HMCN1: variants seen among roughly 807,000 people sequenced by gnomAD.
HMCN1 encodes the protein hemicentin 1.
HMCN1 carries 321 observed loss-of-function variants against 625.9 expected under a neutral mutation model. The observed-to-expected ratio is 0.51, with a 90% CI of 0.47 to 0.56. HMCN1 has a LOEUF of 0.56. Ranked by LOEUF, HMCN1 falls within the 20% of genes least tolerant of loss-of-function variation. The pLI is 0.00. For synonymous variants in HMCN1, 2,425 were observed against 2,417.6 expected, an observed-to-expected ratio of 1.00 and a Z score of -0.09; for missense variants, 6,588 against 6,887.3, an observed-to-expected ratio of 0.96 and a Z score of 1.54.
intron 11 of HMCN1, among the ~76,000 whole-genome samples, chr1:185,943,772 G>T (rs942856446): frequency 1.3e-5 from 2 of 152,146 alleles, no homozygotes; most frequent in Non-Finnish European, 2.9e-5. Context: ...TCTACCCAGA[G>T]GTGAGGGGAT....
At chr1:185,952,537 C>T (rs950562818) in intron 11 of HMCN1, among the ~76,000 whole-genome samples, 32 of 151,806 alleles carry the variant, frequency 2.1e-4, no homozygotes, top group African/African-American at 7.5e-4. Context: ...GGACGTCAGG[C>T]ACCTCAGACC....
intron 41 of HMCN1, among the ~76,000 whole-genome samples, chr1:186,047,679 A>G (rs1163682790): frequency 1.3e-5 from 2 of 152,078 alleles, no homozygotes; most frequent in Non-Finnish European, 2.9e-5. Context: ...AGAACTTGGA[A>G]CCCTAGATCT....
At chr1:185,824,122 G>C (rs1053839677) in intron 1 of HMCN1, among the ~76,000 whole-genome samples, 3 of 152,076 alleles carry the variant, frequency 2.0e-5, no homozygotes, top group African/African-American at 7.2e-5. Context: ...CTGAGTACTT[G>C]GCTTTATGCT....
intron 30 of HMCN1, among the ~76,000 whole-genome samples, chr1:186,009,237 ATGGGACT>A (rs1653833673): frequency 6.6e-6 from 1 of 152,132 alleles, no homozygotes; most frequent in Non-Finnish European, 1.5e-5. Flanking sequence ...TCTTATTTCC[ATGGGACT>A]TGGGTTCTTT....
intron 93 of HMCN1, among the ~76,000 whole-genome samples, chr1:186,148,043 G>C (rs1361172474): frequency 1.3e-5 from 2 of 152,148 alleles, no homozygotes. Context: ...TCAAAGTTTG[G>C]GTCAATCCTC....
chr1:186,148,268 C>A (rs889821701), intron 93 of HMCN1, among the ~76,000 whole-genome samples: 1 of 152,110 alleles, frequency 6.6e-6, no homozygotes, highest in Admixed American at 6.6e-5. Flanking sequence ...ACTTCTAATT[C>A]TCTTGCTCTT....
At chr1:185,991,904 A>G (rs1652458182) in intron 22 of HMCN1, among the ~76,000 whole-genome samples, 1 of 152,204 alleles carries the variant, frequency 6.6e-6, no homozygotes, top group African/African-American at 2.4e-5. Context: ...CCAACAGAAT[A>G]TAAGTGTACC....
At chr1:186,116,914 C>A in intron 75 of HMCN1, 80 bp from the exon 76 acceptor site, 1 of 1,498,914 alleles carries the variant, frequency 6.7e-7, no homozygotes, top group Non-Finnish European at 9.2e-7. Context: ...CAATTTACAA[C>A]ATGGTACCAT....
rs551053823 is a variant in HMCN1 at position 186,068,980 on chromosome 1, A to C, written c.7880-683A>C. ...CAGAACTTGGATGAGACTTTAATGA[A>C]CATTCTAGAATTTAGTTGATTGGCA... On this transcript the variant is annotated intron_variant, in intron 50 of 106. Coordinates refer to ENST00000271588, the MANE Select transcript of HMCN1 (RefSeq NM_031935.3). 9.2e-5 allele frequency among the ~76,000 whole-genome samples: 14 copies of C among 152,278 alleles called. No individual in the cohort carries two copies. In the East Asian group the frequency reaches 2.3e-3, roughly 25 times the overall value.
intron 52 of HMCN1, among the ~76,000 whole-genome samples, chr1:186,073,737 G>C (rs1168812908): frequency 6.6e-6 from 1 of 151,832 alleles, no homozygotes; most frequent in African/African-American, 2.4e-5. Context: ...GGAGGAGACT[G>C]AGTGGCAGTG....
At chr1:186,060,576 AT>A (rs1035656227) in intron 46 of HMCN1, among the ~76,000 whole-genome samples, 5 of 152,084 alleles carry the variant, frequency 3.3e-5, no homozygotes, top group African/African-American at 9.7e-5. Context: ...TTGGATGAAT[AT>A]TTCTTCAAAC....
At chr1:185,943,137 G>A (rs74735478) in intron 11 of HMCN1, among the ~76,000 whole-genome samples, 4,089 of 152,202 alleles carry the variant, frequency 0.027, 176 homozygotes, top group African/African-American at 0.088. Flanking sequence ...CATGGAGTTG[G>A]GTTGTGCTAC....
intron 101 of HMCN1, 76 bp downstream of exon 101, chr1:186,171,526 C>G (rs1321576935): frequency 1.8e-6 from 2 of 1,120,682 alleles, no homozygotes; most frequent in African/African-American, 1.5e-5. Flanking sequence ...AATGCATACA[C>G]TGTGTCTTGG....
chr1:186,011,171 G>A (rs111240076), intron 30 of HMCN1, among the ~76,000 whole-genome samples: 1 of 151,950 alleles, frequency 6.6e-6, no homozygotes, highest in African/African-American at 2.4e-5. Context: ...TCAGCTTCCC[G>A]AGTAGCTGGG....
In HMCN1 at chr1:186,095,496, C is replaced by A; in HGVS notation, c.10548C>A (p.Ser3516Arg). The change falls in exon 68 of 107, where the codon AGC (serine) becomes AGA (arginine). Residue 3516 changes from serine (S) to arginine (R), a missense_variant. Ser to Arg is a moderately radical substitution (Grantham distance 110). This residue lies in a region of HMCN1 where 4,628 missense variants were observed against 4,853.1 expected (regional missense o/e 0.95). Coordinates refer to ENST00000271588, the MANE Select transcript of HMCN1 (RefSeq NM_031935.3). The stretch of plus-strand genomic sequence containing the variant: ...CCTCAAATGAAGCTGGAGAAGTCAG[C>A]AAGCACTTTATCCTCAAGGTCCTAG... ...CIASNEAGEVSKHFILKVLEP... is the reference protein window; with the variant it reads ...CIASNEAGEVRKHFILKVLEP... The A allele has an allele frequency of 6.2e-7, 1 of 1,613,564 alleles. No individual in the cohort carries two copies. Among genetic ancestry groups the A allele is most frequent in the Non-Finnish European group, 8.5e-7 (1 of 1,179,690 alleles).
At chr1:185,787,141 A>ATGTGTGTGTGTGTG (rs375544191) in intron 1 of HMCN1, among the ~76,000 whole-genome samples, 69 of 141,338 alleles carry the variant, frequency 4.9e-4, no homozygotes, top group African/African-American at 1.7e-3. Context: ...GCCATGATGT[A>ATGTGTGTGTGTGTG]TGTGTGTGTG....
At position 186,187,747 on chromosome 1, in the gene HMCN1, G is replaced by T. The variant is rs1226795462; in HGVS notation, c.16415-136G>T. ...GATCCCCATTTTGTGGTTAAAGAAGGTTAGGTATGACTAAGTTCATTCATG... is the reference window on the plus strand; with the variant it reads ...GATCCCCATTTTGTGGTTAAAGAAGTTTAGGTATGACTAAGTTCATTCATG... On this transcript the variant is annotated intron_variant, in intron 105 of 106. Transcript: ENST00000271588. The T allele has an allele frequency of 5.3e-5, 61 of 1,155,786 alleles. 1 individual carries two copies. The Admixed American group carries it at 9.9e-4, about 19-fold the overall frequency. The allele number at this position is 1,155,786 out of a possible 1,614,324, so 71.6% of individuals were successfully genotyped here. A position where few individuals can be genotyped will look rare whatever the true frequency, so the allele number is the denominator to read the frequency against.
intron 106 of HMCN1, among the ~76,000 whole-genome samples, chr1:186,188,475 A>G (rs1005768246): frequency 6.6e-6 from 1 of 152,192 alleles, no homozygotes; most frequent in Non-Finnish European, 1.5e-5. Context: ...CTGCCCGTTC[A>G]TACATCATCT....
chr1:186,101,651 G>T (rs1264249114), intron 68 of HMCN1, among the ~76,000 whole-genome samples: 1 of 152,004 alleles, frequency 6.6e-6, no homozygotes, highest in Non-Finnish European at 1.5e-5. Flanking sequence ...TGGACAGTCT[G>T]GGGTTTGAAC....
Sources: gnomAD v4.1 joint callset for allele counts (sites outside exome capture counted in the v4.1 genomes callset) on GRCh38, gnomAD v4.1.1 for gene constraint, gnomAD v4.1.1 regional missense constraint, MANE v1.5 for transcripts, NCBI Gene and HGNC (gene_info 2026-07-23, HGNC 2026-07-21) for gene names.